The following IGF1R variants were observed in gnomAD, a reference collection of about 807,000 sequenced individuals.
The protein encoded by IGF1R is insulin-like growth factor 1 receptor.
IGF1R carries 44 observed loss-of-function variants against 144.6 expected under a neutral mutation model. The observed-to-expected ratio is 0.30, with a 90% CI of 0.24 to 0.39. The LOEUF (loss-of-function observed/expected upper bound fraction) is 0.39, where lower values mean the gene tolerates loss of function less well. Ranked by LOEUF, IGF1R falls within the 10% of genes least tolerant of loss-of-function variation. IGF1R has a pLI of 1.00. For synonymous variants in IGF1R, 795 were observed against 722.8 expected, an observed-to-expected ratio of 1.10 and a Z score of -1.60; for missense variants, 1,355 against 1,833.7, an observed-to-expected ratio of 0.74 and a Z score of 4.77.
intron 2 of IGF1R, among the ~76,000 whole-genome samples, chr15:98,806,119 A>C (rs1311888117): frequency 6.6e-6 from 1 of 152,238 alleles, no homozygotes; most frequent in African/African-American, 2.4e-5. Flanking sequence ...TAGATGTTGA[A>C]ATTAGAACGG....
chr15:98,813,565 C>G (rs1170743803), intron 2 of IGF1R, among the ~76,000 whole-genome samples: 1 of 152,252 alleles, frequency 6.6e-6, no homozygotes, highest in Non-Finnish European at 1.5e-5. Flanking sequence ...CGTGTGGCCC[C>G]TTGGCATGGT....
Position 98,961,414 on chromosome 15 carries a change from A to G in IGF1R, c.*3972A>G, listed in dbSNP as rs756381336. On this transcript the variant is annotated 3_prime_UTR_variant, in exon 21 of 21. Coordinates refer to ENST00000650285, the MANE Select transcript of IGF1R (RefSeq NM_000875.5). ...TTCAGAAACACCTCAATAAAAGAGA[A>G]AACTTGGCTTGTGTGATGGTGCAGT... 2 of 233,416 alleles carry G rather than the reference A, an allele frequency of 8.6e-6. No individual in the cohort carries two copies. Among genetic ancestry groups the G allele is most frequent in the African/African-American group, 2.2e-5 (1 of 45,364 alleles). The allele number at this position is 233,416 out of a possible 1,614,324, so 14.5% of individuals were successfully genotyped here. A position where few individuals can be genotyped will look rare whatever the true frequency, so the allele number is the denominator to read the frequency against.
At chr15:98,951,865 C>T (rs2016788660) in intron 20 of IGF1R, among the ~76,000 whole-genome samples, 1 of 152,244 alleles carries the variant, frequency 6.6e-6, no homozygotes, top group Non-Finnish European at 1.5e-5. Context: ...CTACTGGACT[C>T]TGCCACTGTG....
Position 98,929,676 on chromosome 15 carries a change from A to G in IGF1R, c.2885+16A>G. On this transcript the variant is annotated intron_variant, in intron 14 of 20. Coordinates refer to ENST00000650285, the MANE Select transcript of IGF1R (RefSeq NM_000875.5). Reference sequence around the variant, plus strand: ...ATAGAAAGAGGTCAGTGATGTGCAAAGTTATGACACTTTCTGTGGCTGAGT... The same window carrying G: ...ATAGAAAGAGGTCAGTGATGTGCAAGGTTATGACACTTTCTGTGGCTGAGT... 2 of 1,518,890 alleles carry G rather than the reference A, an allele frequency of 1.3e-6. No individual in the cohort carries two copies. Among genetic ancestry groups the G allele is most frequent in the South Asian group, 1.1e-5 (1 of 89,236 alleles). 94.1% of individuals were successfully genotyped at this position (1,518,890 alleles called of 1,614,324 possible).
intron 2 of IGF1R, among the ~76,000 whole-genome samples, chr15:98,764,223 C>G (rs149379706): frequency 3.3e-5 from 5 of 152,280 alleles, no homozygotes; most frequent in Non-Finnish European, 7.4e-5. Context: ...TGGGATATAA[C>G]TTTTCTCCTT....
chr15:98,818,759 C>G (rs1406897734), intron 2 of IGF1R, among the ~76,000 whole-genome samples: 1 of 143,020 alleles, frequency 7.0e-6, no homozygotes, highest in Non-Finnish European at 1.5e-5. Context: ...GCCCCCTAGT[C>G]ATGACAATCA....
intron 2 of IGF1R, among the ~76,000 whole-genome samples, chr15:98,827,478 C>T (rs1202082493): frequency 6.6e-6 from 1 of 152,130 alleles, no homozygotes; most frequent in Non-Finnish European, 1.5e-5. Context: ...AAGGAGAGTT[C>T]TAGGAAACCC....
intron 2 of IGF1R, among the ~76,000 whole-genome samples, chr15:98,726,590 CATAGT>C (rs1425334958): frequency 6.6e-6 from 1 of 151,884 alleles, no homozygotes; most frequent in Non-Finnish European, 1.5e-5. Flanking sequence ...ATCAGAGTGA[CATAGT>C]ATAGTTAAAT....
At chr15:98,688,624 T>C (rs1004839872) in intron 1 of IGF1R, among the ~76,000 whole-genome samples, 3 of 152,164 alleles carry the variant, frequency 2.0e-5, no homozygotes, top group Admixed American at 6.5e-5. Context: ...GGGAGAATTT[T>C]GAGAAAGTCA....
intron 2 of IGF1R, among the ~76,000 whole-genome samples, chr15:98,712,803 T>A (rs1370302968): frequency 6.6e-6 from 1 of 150,456 alleles, no homozygotes; most frequent in African/African-American, 2.5e-5. Context: ...AGAGACGGGG[T>A]TTCACCATGT....
chr15:98,767,738 T>A (rs762768315), intron 2 of IGF1R, among the ~76,000 whole-genome samples: 1 of 152,154 alleles, frequency 6.6e-6, no homozygotes, highest in Non-Finnish European at 1.5e-5. Context: ...AACTTTCCAC[T>A]TGAACCCATG....
In IGF1R at chr15:98,702,152, A is replaced by C. The variant is rs139534391; in HGVS notation, c.95-5410A>C. On this transcript the variant is annotated intron_variant, in intron 1 of 20. Transcript: ENST00000650285. Reference sequence around the variant, plus strand: ...CAGCTTTGGGGCGTTTTCTCAGCCAAATGCTTTTCTTTAGCCCTTCTCATA... The same window carrying C: ...CAGCTTTGGGGCGTTTTCTCAGCCACATGCTTTTCTTTAGCCCTTCTCATA... Among the ~76,000 whole-genome samples the C allele has an allele frequency of 5.1e-3, 769 of 150,620 alleles. 11 individuals are homozygous for C. Among genetic ancestry groups the C allele is most frequent in the African/African-American group, 0.018 (742 of 40,996 alleles).
intron 1 of IGF1R, among the ~76,000 whole-genome samples, chr15:98,706,200 C>A (rs371606009): frequency 5.9e-5 from 9 of 152,218 alleles, no homozygotes; most frequent in African/African-American, 1.9e-4. Context: ...CCATGAGCCT[C>A]CTCAGAGGGC....
intron 2 of IGF1R, among the ~76,000 whole-genome samples, chr15:98,763,420 A>G (rs1371121669): frequency 6.6e-6 from 1 of 150,686 alleles, no homozygotes; most frequent in Non-Finnish European, 1.5e-5. Flanking sequence ...GATTTTAGCA[A>G]CAGTCACCGT....
chr15:98,933,618 A>C (rs898000157), intron 15 of IGF1R, among the ~76,000 whole-genome samples: 1 of 152,204 alleles, frequency 6.6e-6, no homozygotes, highest in African/African-American at 2.4e-5. Context: ...GAGCCACCGC[A>C]CACGGCCCAT....
chr15:98,854,943 C>CT (rs1567163091), intron 2 of IGF1R, among the ~76,000 whole-genome samples: 1 of 141,156 alleles, frequency 7.1e-6, no homozygotes, highest in East Asian at 1.9e-4. Flanking sequence ...CCACCCCTGC[C>CT]CCCCCCAACA....
chr15:98,651,277 A>G (rs1212727276), intron 1 of IGF1R, among the ~76,000 whole-genome samples: 2 of 152,236 alleles, frequency 1.3e-5, no homozygotes, highest in East Asian at 3.9e-4. Flanking sequence ...CGACGGAACG[A>G]GAGCAGATCG....
intron 2 of IGF1R, among the ~76,000 whole-genome samples, chr15:98,799,794 T>A (rs2056323298): frequency 6.6e-6 from 1 of 151,836 alleles, no homozygotes; most frequent in African/African-American, 2.4e-5. Context: ...TATAGCAGGC[T>A]TTCCCCTCCA....
At position 98,840,655 on chromosome 15, in the gene IGF1R, C is replaced by T. The variant is rs375278720; in HGVS notation, c.641-50670C>T. Among the ~76,000 whole-genome samples the T allele has an allele frequency of 6.6e-3, 977 of 147,686 alleles. 12 individuals carry two copies. Among genetic ancestry groups the T allele is most frequent in the African/African-American group, 0.023 (912 of 40,240 alleles). On this transcript the variant is annotated intron_variant, in intron 2 of 20. Transcript: ENST00000650285. ...ATGGGGTCTCATTTTGTTGTCCAGGCGGGGTTTTTGTTTTTTGTTTTGTTT... is the reference window on the plus strand; with the variant it reads ...ATGGGGTCTCATTTTGTTGTCCAGGTGGGGTTTTTGTTTTTTGTTTTGTTT...
Sources: gnomAD v4.1 joint callset for allele counts (sites outside exome capture counted in the v4.1 genomes callset) on GRCh38, gnomAD v4.1.1 for gene constraint, MANE v1.5 for transcripts, NCBI Gene and HGNC (gene_info 2026-07-23, HGNC 2026-07-21) for gene names.